Variants in NPC1 observed in about 807,000 individuals in gnomAD.
The protein encoded by NPC1 is NPC intracellular cholesterol transporter 1.
NPC1 carries 85 observed loss-of-function variants against 140.4 expected under a neutral mutation model. The ratio of observed to expected loss-of-function variants is 0.61; its 90% confidence interval spans 0.51 to 0.72. The LOEUF is 0.72. Ranked by LOEUF, NPC1 falls within the 30% of genes least tolerant of loss-of-function variation. The pLI, the probability that NPC1 is intolerant of heterozygous loss-of-function variation, is 0.00. For missense variants in NPC1, 1,504 were observed against 1,623.8 expected (o/e 0.93, Z 1.27); for synonymous variants, 656 against 624.8 (o/e 1.05, Z -0.74).
intron 11 of NPC1, 97 bp from the exon 12 acceptor site, chr18:23,545,246 C>A: frequency 1.1e-6 from 1 of 939,184 alleles, no homozygotes; most frequent in Non-Finnish European, 1.7e-6. Context: ...GCCACGTTTT[C>A]TTTTTTTTGG....
At chr18:23,524,930 A>G (rs981349618), downstream of NPC1, among the ~76,000 whole-genome samples, 14 of 112,524 alleles carry the variant, frequency 1.2e-4, no homozygotes, top group African/African-American at 3.7e-4. Context: ...TAATCTCTTT[A>G]TTAGAGAAAT....
chr18:23,514,608 T>C (rs1174181554), intron 3 of NPC1, among the ~76,000 whole-genome samples: 2 of 152,170 alleles, frequency 1.3e-5, no homozygotes, highest in Non-Finnish European at 2.9e-5. Context: ...AAACAAACTT[T>C]AGACAAATTC....
Position 23,539,446 on chromosome 18 carries a change from C to T in NPC1, c.2820G>A (p.Ser940=), listed in dbSNP as rs754664476. The part of the protein sequence containing the change: ...DNYTRIGFAP[S]SWIDDYFDWV... ...AGTCGAAATAATCGTCGATCCAGGA[C>T]GAGGGGGCGAAGCCTATTCGGGTAC... is the stretch of plus-strand genomic sequence containing the variant. Residue 940 remains serine (S), a synonymous_variant, in exon 19 of 25, where the codon TCG becomes TCA. Coordinates refer to ENST00000269228, the MANE Select transcript of NPC1 (RefSeq NM_000271.5). 1.6e-5 allele frequency: 26 copies of T among 1,613,300 alleles called. No individual in the cohort carries two copies. The highest frequency in any genetic ancestry group is 1.0e-4 in the Admixed American group (6 of 59,954).
chr18:23,549,186 T>C (rs1015746375), intron 10 of NPC1, among the ~76,000 whole-genome samples: 3 of 152,208 alleles, frequency 2.0e-5, no homozygotes, highest in East Asian at 1.9e-4. Flanking sequence ...AGCTTAACTA[T>C]TTTTCATTCC....
intron 9 of NPC1, among the ~76,000 whole-genome samples, chr18:23,552,486 C>T (rs13381354): frequency 0.011 from 1,611 of 152,164 alleles, 27 homozygotes; most frequent in African/African-American, 0.037. Context: ...TAGAGATTTC[C>T]GGGAAAGAAA....
At chr18:23,577,759 T>A (rs1190404864) in intron 1 of NPC1, among the ~76,000 whole-genome samples, 1 of 152,150 alleles carries the variant, frequency 6.6e-6, no homozygotes, top group Non-Finnish European at 1.5e-5. Context: ...GGGCTGCAGG[T>A]CCCGAGCCCT....
intron 4 of NPC1, among the ~76,000 whole-genome samples, chr18:23,562,796 G>T (rs964322588): frequency 2.6e-5 from 4 of 151,838 alleles, no homozygotes; most frequent in Non-Finnish European, 5.9e-5. Flanking sequence ...AGACCAGCCT[G>T]GGCAATATGG....
chr18:23,537,399 C>G (rs2058648044), intron 20 of NPC1, among the ~76,000 whole-genome samples: 1 of 152,148 alleles, frequency 6.6e-6, no homozygotes, highest in South Asian at 2.1e-4. Context: ...CTCGATTGCT[C>G]TGGGTTCTTT....
At chr18:23,512,702 G>A (rs1052678178) in intron 3 of NPC1, among the ~76,000 whole-genome samples, 5 of 151,860 alleles carry the variant, frequency 3.3e-5, no homozygotes, top group African/African-American at 1.2e-4. Context: ...AGAGTGCTGG[G>A]ATTTATGGGC....
rs764560779 is a variant in NPC1 at position 23,573,560 on chromosome 18, G to A, written c.72C>T (p.Ser24=). The change falls in exon 2 of 25, where the codon TCC becomes TCT. Residue 24 remains serine (S), a synonymous_variant. Coordinates refer to ENST00000269228, the MANE Select transcript of NPC1 (RefSeq NM_000271.5). ...TTCCACACTCTCCATACCAAACACA[G>A]GACTGTGAAAACACCTACAGAAAGT... ...LLCPAQVFSQ[S]CVWYGECGIA... 9 of 1,613,988 alleles carry A rather than the reference G, an allele frequency of 5.6e-6. No individual in the cohort carries two copies. The East Asian group carries it at 2.0e-4, about 36-fold the overall frequency.
At chr18:23,525,482 T>C (rs1312590893), downstream of NPC1, among the ~76,000 whole-genome samples, 3 of 151,980 alleles carry the variant, frequency 2.0e-5, no homozygotes, top group African/African-American at 7.3e-5. Context: ...TGGAGTGCAG[T>C]GGTGCCATCT....
At chr18:23,581,050 C>T (rs566221152) in intron 1 of NPC1, among the ~76,000 whole-genome samples, 5 of 152,334 alleles carry the variant, frequency 3.3e-5, no homozygotes, top group African/African-American at 9.6e-5. Context: ...TCCAACTCTT[C>T]GTTTTACAGA....
At chr18:23,512,025 T>A (rs1371954190) in intron 3 of NPC1, among the ~76,000 whole-genome samples, 3 of 150,716 alleles carry the variant, frequency 2.0e-5, no homozygotes, top group Non-Finnish European at 3.0e-5. Flanking sequence ...ACTTTTTTTT[T>A]TTTTTTTTTT....
At chr18:23,578,646 C>T (rs1567986294) in intron 1 of NPC1, among the ~76,000 whole-genome samples, 1 of 152,206 alleles carries the variant, frequency 6.6e-6, no homozygotes, top group Non-Finnish European at 1.5e-5. Context: ...CTGCACCTCC[C>T]TAGAAACACT....
chr18:23,576,413 A>G (rs539158851), intron 1 of NPC1: 51 of 925,022 alleles, frequency 5.5e-5, no homozygotes, highest in Admixed American at 2.5e-4. Context: ...CAAAGTGAAA[A>G]CTGGTCTCAA....
Position 23,550,573 on chromosome 18 carries a change from C to T in NPC1, c.1654+1054G>A, listed in dbSNP as rs149704538. Among the ~76,000 whole-genome samples the T allele has an allele frequency of 6.2e-3, 889 of 142,302 alleles. 9 individuals are homozygous for T. The highest frequency in any genetic ancestry group is 0.022 in the African/African-American group (855 of 38,228). 93.4% of individuals were successfully genotyped at this position (142,302 alleles called of 152,430 possible). The stretch of plus-strand genomic sequence containing the variant: ...CTTGGCTCACTGCAAGCTCTGCCTC[C>T]CGGGTTCACACCACTCTCCTGCCTC... On this transcript the variant is annotated intron_variant, in intron 10 of 24. Coordinates refer to ENST00000269228, the MANE Select transcript of NPC1 (RefSeq NM_000271.5).
intron 11 of NPC1, 57 bp downstream of exon 11, chr18:23,547,947 GCA>G (rs2058812178): frequency 9.9e-7 from 1 of 1,006,718 alleles, no homozygotes; most frequent in South Asian, 1.3e-5. Context: ...AGTGCTTGCC[GCA>G]AGTGTCTAGC....
rs564561559 is a variant in NPC1 at position 23,575,337 on chromosome 18, G to A, written c.58-1763C>T. On this transcript the variant is annotated intron_variant, in intron 1 of 24. Coordinates refer to ENST00000269228, the MANE Select transcript of NPC1 (RefSeq NM_000271.5). ...CAAGTGCTATTTCCACCCACTTGGT[G>A]GAAGAGGGGTGGGTGAGAAGGCGGC... is the stretch of plus-strand genomic sequence containing the variant. Among the ~76,000 whole-genome samples the A allele has an allele frequency of 7.2e-5, 11 of 152,332 alleles. 1 individual carries two copies. The East Asian group carries it at 1.2e-3, about 16-fold the overall frequency.
chr18:23,565,605 C>T (rs762793451), intron 4 of NPC1, among the ~76,000 whole-genome samples: 9 of 152,298 alleles, frequency 5.9e-5, no homozygotes, highest in Admixed American at 2.6e-4. Flanking sequence ...CTGCCTGCCT[C>T]GGCCTTCCAA....
Sources: gnomAD v4.1 joint callset for allele counts (sites outside exome capture counted in the v4.1 genomes callset) on GRCh38, gnomAD v4.1.1 for gene constraint, MANE v1.5 for transcripts, NCBI Gene and HGNC (gene_info 2026-07-23, HGNC 2026-07-21) for gene names.